The following ZFHX3 variants were observed in gnomAD, a reference collection of about 807,000 sequenced individuals.
The protein encoded by ZFHX3 is zinc finger homeobox protein 3.
Under a neutral mutation model 279.1 loss-of-function variants are expected in ZFHX3, and 42 were observed. That is an observed-to-expected ratio of 0.15 (90% CI 0.12 to 0.19). The LOEUF (loss-of-function observed/expected upper bound fraction) is 0.19, where lower values mean the gene tolerates loss of function less well. ZFHX3 is among the 10% of genes least tolerant of loss of function. ZFHX3 has a pLI of 1.00. For synonymous variants in ZFHX3, 2,293 were observed against 1,957.8 expected (o/e 1.17, Z -4.52); for missense variants, 4,981 against 4,754.0 (o/e 1.05, Z -1.40).
chr16:73,718,907 C>T lies in ZFHX3; in HGVS notation c.-1607-38667G>A, dbSNP rs533294320. On this transcript the variant is annotated intron_variant, in intron 1 of 17. Coordinates refer to the ZFHX3 transcript ENST00000641206. Reference sequence around the variant, plus strand: ...GGGATTACAGGTGTGAGCCACTGCGCCTGGCCTGAATCATGTTTAAAAACA... The same window carrying T: ...GGGATTACAGGTGTGAGCCACTGCGTCTGGCCTGAATCATGTTTAAAAACA... Among the ~76,000 whole-genome samples the T allele has an allele frequency of 7.2e-5, 11 of 152,258 alleles. No homozygotes were observed. The South Asian group carries it at 2.1e-3, about 29-fold the overall frequency.
chr16:73,578,640 C>T (rs1008308367), intron 2 of ZFHX3, among the ~76,000 whole-genome samples: 18 of 152,024 alleles, frequency 1.2e-4, no homozygotes, highest in African/African-American at 3.6e-4. Flanking sequence ...TTTTTAAATA[C>T]TCCCACTTAT....
At chr16:73,490,058 T>C (rs1597355961) in intron 2 of ZFHX3, among the ~76,000 whole-genome samples, 1 of 152,232 alleles carries the variant, frequency 6.6e-6, no homozygotes, top group East Asian at 1.9e-4. Context: ...ACAACCAATT[T>C]CTACAAAATT....
chr16:73,454,921 A>G (rs2018346244), intron 3 of ZFHX3, among the ~76,000 whole-genome samples: 1 of 151,860 alleles, frequency 6.6e-6, no homozygotes, highest in Non-Finnish European at 1.5e-5. Context: ...AAAAAAAACT[A>G]CAATAGAAAA....
intron 3 of ZFHX3, among the ~76,000 whole-genome samples, chr16:73,384,186 G>C (rs1227647146): frequency 6.6e-6 from 1 of 152,152 alleles, no homozygotes; most frequent in East Asian, 1.9e-4. Context: ...CCTGCACCCT[G>C]TTTTTATAAA....
chr16:73,238,523 C>G (rs185137729), intron 5 of ZFHX3, among the ~76,000 whole-genome samples: 3 of 152,264 alleles, frequency 2.0e-5, no homozygotes, highest in African/African-American at 7.2e-5. Flanking sequence ...TATCGCTCTT[C>G]TCTTATTTTC....
intron 3 of ZFHX3, among the ~76,000 whole-genome samples, chr16:72,896,504 G>C (rs1263487426): frequency 1.3e-5 from 2 of 152,214 alleles, no homozygotes; most frequent in South Asian, 2.1e-4. Flanking sequence ...CATTTTAAAA[G>C]AAGGGAGACA....
At chr16:73,751,994 G>C (rs1353454486) in intron 1 of ZFHX3, among the ~76,000 whole-genome samples, 2 of 152,194 alleles carry the variant, frequency 1.3e-5, no homozygotes, top group Non-Finnish European at 2.9e-5. Context: ...TGAGAAACTA[G>C]GGTGGCTAAG....
intron 8 of ZFHX3, among the ~76,000 whole-genome samples, chr16:73,065,566 GGTGTGTGTGT>G (rs10540025): frequency 0.58 from 83,436 of 144,514 alleles, 24,134 homozygotes; most frequent in East Asian, 0.72. Flanking sequence ...AGCTTTTCCT[GGTGTGTGTGT>G]GTGTGTGTGT....
intron 1 of ZFHX3, among the ~76,000 whole-genome samples, chr16:73,817,185 C>G (rs2142344188): frequency 6.6e-6 from 1 of 152,282 alleles, no homozygotes; most frequent in South Asian, 2.1e-4. Flanking sequence ...CATACGATTT[C>G]TTGAGCTGAC....
At chr16:73,145,684 G>A (rs568682667) in intron 5 of ZFHX3, among the ~76,000 whole-genome samples, 1 of 152,372 alleles carries the variant, frequency 6.6e-6, no homozygotes, top group South Asian at 2.1e-4. Flanking sequence ...GTGGATTGCG[G>A]TGACGCATGG....
intron 2 of ZFHX3, among the ~76,000 whole-genome samples, chr16:72,952,931 C>G (rs764992922): frequency 2.6e-5 from 4 of 152,176 alleles, no homozygotes; most frequent in African/African-American, 7.2e-5. Context: ...GCCCCACCCC[C>G]CAAGTGAAAT....
chr16:73,146,833 T>C (rs1017605618), intron 5 of ZFHX3, among the ~76,000 whole-genome samples: 1 of 152,124 alleles, frequency 6.6e-6, no homozygotes, highest in African/African-American at 2.4e-5. Context: ...GTTTTTGTAT[T>C]TTTTGTAGAT....
chr16:73,367,466 T>G (rs2016549065), intron 3 of ZFHX3, among the ~76,000 whole-genome samples: 1 of 152,214 alleles, frequency 6.6e-6, no homozygotes, highest in Non-Finnish European at 1.5e-5. Flanking sequence ...CTGGGTCATG[T>G]GTTCAAGCTG....
At chr16:72,874,627 C>G (rs2038259785) in intron 4 of ZFHX3, among the ~76,000 whole-genome samples, 1 of 152,008 alleles carries the variant, frequency 6.6e-6, no homozygotes, top group African/African-American at 2.4e-5. Context: ...CCTGACTGCC[C>G]TCCTCCCAAG....
At chr16:73,598,570 G>C (rs1048478509) in intron 2 of ZFHX3, among the ~76,000 whole-genome samples, 1 of 151,088 alleles carries the variant, frequency 6.6e-6, no homozygotes, top group Non-Finnish European at 1.5e-5. Flanking sequence ...AGCACGCATC[G>C]CCACGCCCGA....
intron 5 of ZFHX3, among the ~76,000 whole-genome samples, chr16:73,166,999 G>C (rs1223185403): frequency 6.6e-6 from 1 of 152,202 alleles, no homozygotes; most frequent in Non-Finnish European, 1.5e-5. Flanking sequence ...AGATCAGTTT[G>C]ATAAATTAGC....
At chr16:73,416,529 A>T (rs1189669418) in intron 3 of ZFHX3, among the ~76,000 whole-genome samples, 3 of 152,166 alleles carry the variant, frequency 2.0e-5, no homozygotes. Context: ...ACAGTCATAA[A>T]TGTCGTAGGC....
At chr16:73,785,841 C>G (rs964739121) in intron 1 of ZFHX3, among the ~76,000 whole-genome samples, 1 of 152,038 alleles carries the variant, frequency 6.6e-6, no homozygotes, top group African/African-American at 2.4e-5. Flanking sequence ...TCATTTGTTG[C>G]CTGGGTACTT....
intron 7 of ZFHX3, among the ~76,000 whole-genome samples, chr16:73,128,931 G>A (rs757709349): frequency 2.0e-5 from 3 of 152,176 alleles, no homozygotes; most frequent in African/African-American, 7.2e-5. Flanking sequence ...TAATGGTCAT[G>A]TTTTATCAAT....
Sources: gnomAD v4.1 joint callset for allele counts (sites outside exome capture counted in the v4.1 genomes callset) on GRCh38, gnomAD v4.1.1 for gene constraint, MANE v1.5 for transcripts, NCBI Gene and HGNC (gene_info 2026-07-23, HGNC 2026-07-21) for gene names.